The following DAB1 variants were observed in gnomAD, a reference collection of about 807,000 sequenced individuals.
The protein encoded by DAB1 is DAB adaptor protein 1.
DAB1 carries 15 observed loss-of-function variants against 64.6 expected under a neutral mutation model. The ratio of observed to expected loss-of-function variants is 0.23; its 90% CI spans 0.16 to 0.36. DAB1 has a LOEUF of 0.36. Among genes scored for constraint, DAB1 ranks in the 10% least tolerant of loss-of-function variants. The probability of loss-of-function intolerance (pLI) is 1.00; values close to 1 mark genes in which losing one functional copy is unlikely to be tolerated. For missense variants in DAB1, 596 were observed against 706.7 expected, an observed-to-expected ratio of 0.84 and a Z score of 1.78; for synonymous variants, 235 against 251.9, an observed-to-expected ratio of 0.93 and a Z score of 0.64.
chr1:57,125,595 G>T (rs546853673), intron 4 of DAB1, among the ~76,000 whole-genome samples: 111 of 152,184 alleles, frequency 7.3e-4, no homozygotes, highest in African/African-American at 2.6e-3. Context: ...CAAGTTAGAT[G>T]GATGGGTAAA....
intron 12 of DAB1, among the ~76,000 whole-genome samples, chr1:57,012,811 T>C (rs966678116): frequency 4.6e-5 from 7 of 152,252 alleles, no homozygotes; most frequent in African/African-American, 7.2e-5. Flanking sequence ...GATTTTTGCT[T>C]ACTAAAGGTT....
At chr1:57,134,679 A>G (rs1312600422) in intron 4 of DAB1, among the ~76,000 whole-genome samples, 1 of 152,116 alleles carries the variant, frequency 6.6e-6, no homozygotes, top group African/African-American at 2.4e-5. Context: ...TTTAAAAAGA[A>G]AAAGAATACA....
At chr1:58,131,277 C>G (rs748972770) in intron 5 of DAB1, among the ~76,000 whole-genome samples, 1 of 141,188 alleles carries the variant, frequency 7.1e-6, no homozygotes, top group South Asian at 2.5e-4. Context: ...GCATTCTTCA[C>G]GTAGTTCTCG....
At chr1:58,375,191 G>A (rs1353014947) in intron 3 of DAB1, among the ~76,000 whole-genome samples, 1 of 148,710 alleles carries the variant, frequency 6.7e-6, no homozygotes, top group Non-Finnish European at 1.5e-5. Context: ...CTGCCTAATT[G>A]CCCTGGCCAG....
chr1:57,270,248 G>A (rs948467266), intron 2 of DAB1, among the ~76,000 whole-genome samples: 12 of 152,170 alleles, frequency 7.9e-5, no homozygotes, highest in African/African-American at 2.9e-4. Flanking sequence ...GCCCATGCTG[G>A]GCATTCAAAT....
intron 4 of DAB1, among the ~76,000 whole-genome samples, chr1:58,184,754 T>C (rs1334671872): frequency 6.6e-6 from 1 of 152,222 alleles, no homozygotes; most frequent in African/African-American, 2.4e-5. Flanking sequence ...TTTTGCTACA[T>C]GACATTTAGA....
chr1:57,211,011 A>G (rs1315627779), intron 2 of DAB1, among the ~76,000 whole-genome samples: 1 of 152,240 alleles, frequency 6.6e-6, no homozygotes, highest in Non-Finnish European at 1.5e-5. Context: ...CTGGAATTTT[A>G]CACCTGGGTG....
At chr1:58,154,753 G>A (rs1044789990) in intron 4 of DAB1, among the ~76,000 whole-genome samples, 1 of 152,062 alleles carries the variant, frequency 6.6e-6, no homozygotes, top group South Asian at 2.1e-4. Context: ...TGGAAGGAGA[G>A]GAGAGAGAAG....
At chr1:57,865,647 A>C (rs1271373017) in intron 1 of DAB1, among the ~76,000 whole-genome samples, 1 of 152,130 alleles carries the variant, frequency 6.6e-6, no homozygotes, top group Non-Finnish European at 1.5e-5. Context: ...AATGCTCATC[A>C]TCACCTCACT....
intron 2 of DAB1, among the ~76,000 whole-genome samples, chr1:57,210,083 T>A (rs1254271925): frequency 1.3e-5 from 2 of 152,166 alleles, no homozygotes; most frequent in African/African-American, 4.8e-5. Context: ...ACTTCTAGGA[T>A]TATTATGACA....
chr1:57,945,700 C>T (rs926264934), intron 5 of DAB1, among the ~76,000 whole-genome samples: 2 of 152,116 alleles, frequency 1.3e-5, no homozygotes, highest in African/African-American at 4.8e-5. Context: ...TAAAATCTTT[C>T]CTGAAGAAGG....
intron 5 of DAB1, among the ~76,000 whole-genome samples, chr1:58,033,323 A>T (rs1646997440): frequency 6.6e-6 from 1 of 152,106 alleles, no homozygotes; most frequent in Non-Finnish European, 1.5e-5. Flanking sequence ...CTGGATTGTA[A>T]TCAGTTCAGT....
At chr1:57,430,260 A>G (rs2805875) in intron 7 of DAB1, among the ~76,000 whole-genome samples, 152,102 of 152,350 alleles carry the variant, frequency 1, 75,928 homozygotes, top group Non-Finnish European at 1. Flanking sequence ...AAGTGGAATG[A>G]AGTTTTTCAA....
At chr1:57,828,139 G>T (rs925640671) in intron 1 of DAB1, among the ~76,000 whole-genome samples, 27 of 151,990 alleles carry the variant, frequency 1.8e-4, no homozygotes, top group Non-Finnish European at 4.0e-4. Flanking sequence ...TAGAGACGGG[G>T]TTTCACCATG....
intron 1 of DAB1, among the ~76,000 whole-genome samples, chr1:57,316,512 G>C (rs1558152079): frequency 2.0e-5 from 3 of 152,214 alleles, no homozygotes; most frequent in African/African-American, 7.2e-5. Context: ...TCCTTGGCAG[G>C]TTCCTCAGGC....
chr1:57,608,389 A>T (rs963779931), intron 7 of DAB1, among the ~76,000 whole-genome samples: 3 of 151,242 alleles, frequency 2.0e-5, no homozygotes, highest in Non-Finnish European at 4.4e-5. Flanking sequence ...TGAAGATATT[A>T]AAAAAAGAGA....
chr1:57,271,439 G>C (rs936682234), intron 2 of DAB1, among the ~76,000 whole-genome samples: 4 of 152,182 alleles, frequency 2.6e-5, no homozygotes, highest in African/African-American at 9.7e-5. Context: ...ATTGTGTGGT[G>C]CAATTATTTG....
intron 6 of DAB1, among the ~76,000 whole-genome samples, chr1:57,776,167 A>G (rs1649789601): frequency 6.6e-6 from 1 of 151,692 alleles, no homozygotes; most frequent in Admixed American, 6.6e-5. Context: ...ATAATCCCAA[A>G]TGTTCCAAAA....
chr1:57,368,728 C>G (rs549284290), intron 1 of DAB1, among the ~76,000 whole-genome samples: 8 of 152,268 alleles, frequency 5.3e-5, no homozygotes, highest in African/African-American at 1.9e-4. Flanking sequence ...TGCTCACCCT[C>G]CACTTGTCTG....
Sources: allele counts gnomAD v4.1 joint callset (sites outside exome capture counted in the v4.1 genomes callset), GRCh38; gene constraint gnomAD v4.1.1; transcripts MANE v1.5; gene names NCBI Gene and HGNC (gene_info 2026-07-23, HGNC 2026-07-21).